The following CHRM5 variants were observed in gnomAD, a reference collection of about 807,000 sequenced individuals.
The protein encoded by CHRM5 is cholinergic receptor muscarinic 5.
A neutral mutation model predicts 39.0 loss-of-function variants in CHRM5; 18 were observed. That is an observed-to-expected ratio of 0.46 (90% CI 0.32 to 0.68). The LOEUF is 0.68. Ranked by LOEUF, CHRM5 falls within the 30% of genes least tolerant of loss-of-function variation. CHRM5 has a pLI of 0.04. For synonymous variants in CHRM5, 241 were observed against 246.3 expected, an observed-to-expected ratio of 0.98 and a Z score of 0.20; for missense variants, 515 against 651.1, an observed-to-expected ratio of 0.79 and a Z score of 2.28.
At position 34,062,909 on chromosome 15, in the gene CHRM5, T is replaced by G; in HGVS notation, c.192T>G (p.Val64=). Residue 64 remains valine, a synonymous_variant, in exon 3 of 3, where the codon GTT becomes GTG. Transcript: ENST00000383263. ...AAGTCAACAGCCAGCTCAAGACAGTTAACAACTATTACCTGCTCAGCTTAG... is the reference window on the plus strand; with the variant it reads ...AAGTCAACAGCCAGCTCAAGACAGTGAACAACTATTACCTGCTCAGCTTAG... ...SFKVNSQLKT[V]NNYYLLSLAC... 1 of 1,614,194 alleles carries G rather than the reference T, an allele frequency of 6.2e-7. No individual in the cohort carries two copies. Among genetic ancestry groups the G allele is most frequent in the Non-Finnish European group, 8.5e-7 (1 of 1,180,032 alleles).
intron 1 of CHRM5, among the ~76,000 whole-genome samples, chr15:34,029,572 A>G (rs1187046470): frequency 6.6e-6 from 1 of 151,772 alleles, no homozygotes; most frequent in African/African-American, 2.4e-5. Flanking sequence ...AAACTTTAGG[A>G]GTTGTTTACA....
chr15:34,018,254 C>G (rs1396009657), intron 1 of CHRM5: 2 of 152,314 alleles, frequency 1.3e-5, no homozygotes, highest in South Asian at 2.1e-4. Flanking sequence ...AGGTGGAAGA[C>G]AGTGATATTG....
intron 1 of CHRM5, among the ~76,000 whole-genome samples, chr15:34,017,497 T>TTTTTTTTTTTG (rs1555516619): frequency 4.5e-5 from 6 of 133,364 alleles, no homozygotes; most frequent in East Asian, 2.2e-4. Flanking sequence ...TTTTTTTTTT[T>TTTTTTTTTTTG]TTTGAGACAG....
Position 34,063,508 on chromosome 15 carries a change from G to A in CHRM5, c.791G>A (p.Arg264Gln), listed in dbSNP as rs777128975. Residue 264 changes from arginine to glutamine, a missense_variant, in exon 3 of 3, where the codon CGG becomes CAG. Physicochemically the swap from Arg to Gln is conservative, Grantham distance 43. Coordinates refer to ENST00000383263, the MANE Select transcript of CHRM5 (RefSeq NM_012125.4). This position sits in a 1 kb window ranked among gnomAD's most constrained non-coding sequence, Gnocchi z 4.1. ...TGTCCTCGACCCACCCTGGCCCAGCGGGAAAGGAACCAGGCCTCCTGGTCA... is the reference window on the plus strand; with the variant it reads ...TGTCCTCGACCCACCCTGGCCCAGCAGGAAAGGAACCAGGCCTCCTGGTCA... The part of the protein sequence containing the change: ...LRCPRPTLAQ[R>Q]ERNQASWSSS... 9 of 1,613,628 alleles carry A rather than the reference G, an allele frequency of 5.6e-6. No homozygotes were observed. Among genetic ancestry groups the A allele is most frequent in the Non-Finnish European group, 4.2e-6 (5 of 1,180,046 alleles).
intron 1 of CHRM5, among the ~76,000 whole-genome samples, chr15:34,036,824 C>T (rs996278434): frequency 1.3e-5 from 2 of 151,510 alleles, no homozygotes; most frequent in African/African-American, 4.8e-5. Flanking sequence ...ACCATCATGA[C>T]CAGGCGCAGT....
Position 34,062,793 on chromosome 15 carries a change from A to G in CHRM5, c.76A>G (p.Arg26Gly). ...PVNHQPLERHRLWEVITIAAV... is the reference protein window; with the variant it reads ...PVNHQPLERHGLWEVITIAAV... The stretch of plus-strand genomic sequence containing the variant: ...AAATCACCAGCCTTTGGAACGCCAC[A>G]GGTTGTGGGAAGTCATCACCATTGC... Residue 26 changes from arginine (R) to glycine (G), a missense_variant, in exon 3 of 3, where the codon AGG becomes GGG. Transcript: ENST00000383263. 6.2e-7 allele frequency: 1 copy of G among 1,614,200 alleles called. No individual in the cohort carries two copies. The highest frequency in any genetic ancestry group is 8.5e-7 in the Non-Finnish European group (1 of 1,180,036).
At chr15:34,043,592 A>G (rs1262722716) in intron 1 of CHRM5, among the ~76,000 whole-genome samples, 1 of 152,198 alleles carries the variant, frequency 6.6e-6, no homozygotes, top group African/African-American at 2.4e-5. Context: ...CCTGGAATCC[A>G]CAGCCTGTAC....
At chr15:34,008,053 T>G (rs1263960423) in intron 1 of CHRM5, among the ~76,000 whole-genome samples, 2 of 152,148 alleles carry the variant, frequency 1.3e-5, no homozygotes, top group Non-Finnish European at 2.9e-5. Context: ...TCAGAGGTAC[T>G]GCAGATTAGA....
chr15:33,981,194 C>T (rs1284705225), intron 1 of CHRM5, among the ~76,000 whole-genome samples: 1 of 152,124 alleles, frequency 6.6e-6, no homozygotes, highest in African/African-American at 2.4e-5. Context: ...AACAGCGATG[C>T]CTTATCAATT....
At chr15:34,042,553 A>G (rs1392965650) in intron 1 of CHRM5, among the ~76,000 whole-genome samples, 2 of 151,820 alleles carry the variant, frequency 1.3e-5, no homozygotes, top group East Asian at 1.9e-4. Context: ...GGCATGCACC[A>G]CCACGCCCGG....
At chr15:34,047,015 A>C (rs1029454565) in intron 2 of CHRM5, 144 bp downstream of exon 2, 1 of 151,990 alleles carries the variant, frequency 6.6e-6, no homozygotes, top group African/African-American at 2.4e-5. Flanking sequence ...TCAGCAGAGC[A>C]GCCGCTCAGG....
intron 2 of CHRM5, among the ~76,000 whole-genome samples, chr15:34,061,384 A>G (rs1050791212): frequency 2.9e-5 from 3 of 103,680 alleles, no homozygotes; most frequent in African/African-American, 1.0e-4. Flanking sequence ...TGAAAGTGGT[A>G]GCTCTAGATG....
rs1280789776 is a variant in CHRM5, at chr15:34,063,977, C to A, written c.1260C>A (p.Pro420=). 1 of 1,614,172 alleles carries A rather than the reference C, an allele frequency of 6.2e-7. No individual in the cohort carries two copies. Among genetic ancestry groups the A allele is most frequent in the Admixed American group, 1.7e-5 (1 of 60,016 alleles). The change falls in exon 3 of 3, where the codon CCC becomes CCA. Residue 420 remains proline (P), a synonymous_variant. Coordinates refer to ENST00000383263, the MANE Select transcript of CHRM5 (RefSeq NM_012125.4). This position sits in a 1 kb window ranked among gnomAD's most constrained non-coding sequence, Gnocchi z 4.1. ...AACCTTCAACGAAAGGCCTCAATCC[C>A]AACCCCAGCCATCAAATGACCAAAC... is the stretch of plus-strand genomic sequence containing the variant. The part of the protein sequence containing the change: ...AKEPSTKGLN[P]NPSHQMTKRK...
Position 34,064,183 on chromosome 15 carries a change from C to G in CHRM5, c.1466C>G (p.Thr489Ser). 1 of 1,614,186 alleles carries G rather than the reference C, an allele frequency of 6.2e-7. No individual in the cohort carries two copies. Among genetic ancestry groups the G allele is most frequent in the Non-Finnish European group, 8.5e-7 (1 of 1,180,046 alleles). The change falls in exon 3 of 3, where the codon ACT (threonine) becomes AGT (serine). Residue 489 changes from threonine to serine, a missense_variant. Physicochemically the swap from Thr to Ser is moderately conservative, Grantham distance 58 (BLOSUM62 1). Transcript: ENST00000383263. Reference protein sequence around the residue: ...LGYWLCYVNSTVNPICYALCN... With the variant: ...LGYWLCYVNSSVNPICYALCN... ...TATTGGTTGTGCTATGTCAATAGCA[C>G]TGTCAACCCCATCTGCTATGCCCTC... is the stretch of plus-strand genomic sequence containing the variant.
At chr15:34,029,070 C>G (rs776507901) in intron 1 of CHRM5, among the ~76,000 whole-genome samples, 9 of 152,094 alleles carry the variant, frequency 5.9e-5, no homozygotes, top group Non-Finnish European at 1.2e-4. Context: ...AGAGATTCCC[C>G]TCTGCAGACG....
chr15:33,984,454 G>A lies in CHRM5; in HGVS notation c.-408+15304G>A, dbSNP rs543228535. 2.6e-5 allele frequency among the ~76,000 whole-genome samples: 4 copies of A among 151,742 alleles called. No homozygotes were observed. In the East Asian group the frequency reaches 7.7e-4, roughly 29 times the overall value. On this transcript the variant is annotated intron_variant, in intron 1 of 2. Transcript: ENST00000383263. Reference sequence around the variant, plus strand: ...TTTCACTCTTGTTGCTCAGGCTGGAGTGCAATGGCATGATCTCGGCTCACT... The same window carrying A: ...TTTCACTCTTGTTGCTCAGGCTGGAATGCAATGGCATGATCTCGGCTCACT...
intron 1 of CHRM5, among the ~76,000 whole-genome samples, chr15:33,988,816 C>A (rs1324827819): frequency 3.3e-5 from 5 of 152,182 alleles, no homozygotes; most frequent in Non-Finnish European, 7.3e-5. Flanking sequence ...CATTGTTGAA[C>A]CCATTTCCAT....
chr15:34,047,372 C>T (rs187170038), intron 2 of CHRM5, among the ~76,000 whole-genome samples: 107 of 152,250 alleles, frequency 7.0e-4, no homozygotes, highest in African/African-American at 2.4e-3. Context: ...CCACCGTGCC[C>T]GGCGGAGACC....
At chr15:33,987,087 T>C (rs985612979) in intron 1 of CHRM5, among the ~76,000 whole-genome samples, 5 of 152,244 alleles carry the variant, frequency 3.3e-5, no homozygotes, top group African/African-American at 1.2e-4. Flanking sequence ...TTAAACAGTA[T>C]ATATTCATAA....
Sources: allele counts gnomAD v4.1 joint callset (sites outside exome capture counted in the v4.1 genomes callset), GRCh38; gene constraint gnomAD v4.1.1; non-coding constraint Gnocchi (gnomAD v3.1); transcripts MANE v1.5; gene names NCBI Gene and HGNC (gene_info 2026-07-23, HGNC 2026-07-21).